AKAP13: variants seen among roughly 807,000 people sequenced by gnomAD.
AKAP13 encodes the protein A-kinase anchor protein 13.
A neutral mutation model predicts 264.5 loss-of-function variants in AKAP13; 80 were observed. That is an observed-to-expected ratio of 0.30 (90% CI 0.25 to 0.36). AKAP13 has a LOEUF of 0.36. Ranked by LOEUF, AKAP13 falls within the 10% of genes least tolerant of loss-of-function variation. AKAP13 has a pLI of 1.00. For synonymous variants in AKAP13, 1,380 were observed against 1,250.2 expected (o/e 1.10, Z -2.19); for missense variants, 3,712 against 3,435.2 (o/e 1.08, Z -2.01).
rs74025608 is a variant in AKAP13, at chr15:85,531,341, G to C, written c.182-2243G>C. On this transcript the variant is annotated intron_variant, in intron 3 of 36. Coordinates refer to ENST00000394518, the MANE Select transcript of AKAP13 (RefSeq NM_007200.5). The stretch of plus-strand genomic sequence containing the variant: ...GCAGTTATCTGCAACTTGATTCTCT[G>C]TTATGAACCGTAAATCTCTGGGGAG... Among the ~76,000 whole-genome samples, 1,043 of 152,280 alleles carry C rather than the reference G, an allele frequency of 6.8e-3. 11 individuals are homozygous for C. The highest frequency in any genetic ancestry group is 0.024 in the African/African-American group (987 of 41,550).
At chr15:85,741,903 G>A (rs924034534) in intron 35 of AKAP13, among the ~76,000 whole-genome samples, 14 of 151,966 alleles carry the variant, frequency 9.2e-5, no homozygotes, top group African/African-American at 3.4e-4. Context: ...AAATTAGCTG[G>A]GTGTGGTGGC....
At position 85,693,530 on chromosome 15, in the gene AKAP13, C is replaced by T. The variant is rs377419048; in HGVS notation, c.5464+79C>T. 1.8e-5 allele frequency: 28 copies of T among 1,569,976 alleles called. No homozygotes were observed. The South Asian group carries it at 2.7e-4, about 15-fold the overall frequency. Reference sequence around the variant, plus strand: ...GCTCATTTCTTGTTTCCTGTCCCCACTCATTATCTGTTCCTCATTTATGTG... The same window carrying T: ...GCTCATTTCTTGTTTCCTGTCCCCATTCATTATCTGTTCCTCATTTATGTG... On this transcript the variant is annotated intron_variant, in intron 17 of 36. Coordinates refer to ENST00000394518, the MANE Select transcript of AKAP13 (RefSeq NM_007200.5).
intron 4 of AKAP13, among the ~76,000 whole-genome samples, chr15:85,542,656 C>T (rs893638393): frequency 6.6e-5 from 10 of 152,222 alleles, no homozygotes; most frequent in African/African-American, 2.4e-4. Flanking sequence ...AAGTGTAGTA[C>T]AGCCTTGTGG....
At chr15:85,619,913 T>C in intron 8 of AKAP13, 1 of 1,433,608 alleles carries the variant, frequency 7.0e-7, no homozygotes, top group Non-Finnish European at 9.1e-7. Context: ...TTCTGCTTGA[T>C]TTCTTTTTAA....
At chr15:85,517,957 G>A (rs1467197082) in intron 2 of AKAP13, among the ~76,000 whole-genome samples, 1 of 152,198 alleles carries the variant, frequency 6.6e-6, no homozygotes, top group Admixed American at 6.5e-5. Context: ...GGTGATGTAG[G>A]TGTGTACTCT....
intron 1 of AKAP13, among the ~76,000 whole-genome samples, chr15:85,439,407 T>C (rs1414126301): frequency 6.6e-6 from 1 of 151,926 alleles, no homozygotes. Flanking sequence ...TGGATGTCAG[T>C]GTGGCGATTC....
intron 9 of AKAP13, 40 bp from the exon 10 acceptor site, chr15:85,645,775 GTTT>G (rs71468130): frequency 2.9e-6 from 4 of 1,371,586 alleles, no homozygotes; most frequent in Non-Finnish European, 1.9e-6. Context: ...TGGTTTTTTT[GTTT>G]TTTTTTTTTC....
chr15:85,631,496 TCTCTCTCACA>T (rs1421161469), intron 8 of AKAP13, among the ~76,000 whole-genome samples: 24 of 64,702 alleles, frequency 3.7e-4, no homozygotes, highest in African/African-American at 1.1e-3. Flanking sequence ...TCTCTCTCTC[TCTCTCTCACA>T]CACACACACA....
At chr15:85,650,553 C>T (rs1596897582) in intron 10 of AKAP13, among the ~76,000 whole-genome samples, 3 of 151,440 alleles carry the variant, frequency 2.0e-5, no homozygotes, top group Admixed American at 6.6e-5. Context: ...GTCAGGAGTT[C>T]GAGACCAGCC....
chr15:85,529,416 G>A (rs909717254), intron 3 of AKAP13, among the ~76,000 whole-genome samples: 2 of 151,984 alleles, frequency 1.3e-5, no homozygotes, highest in Admixed American at 6.6e-5. Flanking sequence ...GCGAGACTCC[G>A]TCTCAAAATA....
intron 8 of AKAP13, chr15:85,619,369 T>C (rs1411420780): frequency 1.0e-6 from 1 of 983,328 alleles, no homozygotes; most frequent in African/African-American, 1.8e-5. Context: ...AGGGAGGGAG[T>C]ACAGCAGGAG....
At chr15:85,403,038 AT>A (rs993828326) in intron 1 of AKAP13, among the ~76,000 whole-genome samples, 16 of 152,220 alleles carry the variant, frequency 1.1e-4, no homozygotes, top group African/African-American at 3.1e-4. Flanking sequence ...AGGACTCTTA[AT>A]AGTAGGGCAG....
At chr15:85,510,122 A>G (rs1332405050) in intron 2 of AKAP13, among the ~76,000 whole-genome samples, 3 of 152,168 alleles carry the variant, frequency 2.0e-5, no homozygotes, top group South Asian at 2.1e-4. Context: ...TACAGCTGCA[A>G]TTGTTACCTT....
At chr15:85,470,029 G>A (rs932410069) in intron 1 of AKAP13, among the ~76,000 whole-genome samples, 1 of 152,208 alleles carries the variant, frequency 6.6e-6, no homozygotes, top group East Asian at 1.9e-4. Context: ...GGCTCACGCC[G>A]GTAATCCCAG....
chr15:85,499,163 A>G (rs2075973399), intron 2 of AKAP13, among the ~76,000 whole-genome samples: 1 of 152,194 alleles, frequency 6.6e-6, no homozygotes, highest in Non-Finnish European at 1.5e-5. Flanking sequence ...TCCTGAGTAA[A>G]TTATCACTGC....
At chr15:85,652,394 A>G (rs1567176200) in intron 10 of AKAP13, among the ~76,000 whole-genome samples, 1 of 152,216 alleles carries the variant, frequency 6.6e-6, no homozygotes, top group Non-Finnish European at 1.5e-5. Context: ...AACTGAGAAG[A>G]GCTAACTTGT....
At chr15:85,508,073 GCA>G (rs983876816) in intron 2 of AKAP13, among the ~76,000 whole-genome samples, 8 of 152,018 alleles carry the variant, frequency 5.3e-5, no homozygotes, top group African/African-American at 1.9e-4. Flanking sequence ...TATTCTCAAA[GCA>G]TTTCAAGCAG....
intron 8 of AKAP13, among the ~76,000 whole-genome samples, chr15:85,593,591 G>T: frequency 1.4e-5 from 2 of 146,242 alleles, no homozygotes; most frequent in African/African-American, 5.1e-5. Context: ...AATCACTTTT[G>T]TCTTAAATGT....
chr15:85,402,760 C>G (rs765023171), intron 1 of AKAP13, among the ~76,000 whole-genome samples: 2 of 151,812 alleles, frequency 1.3e-5, no homozygotes, highest in Non-Finnish European at 2.9e-5. Flanking sequence ...TTAGCTCTGC[C>G]GTAAATGGTA....
Sources: gnomAD v4.1 joint callset for allele counts (sites outside exome capture counted in the v4.1 genomes callset) on GRCh38, gnomAD v4.1.1 for gene constraint, MANE v1.5 for transcripts, NCBI Gene and HGNC (gene_info 2026-07-23, HGNC 2026-07-21) for gene names.